SRPK2: variants seen among roughly 807,000 people sequenced by gnomAD.
The protein encoded by SRPK2 is SRSF protein kinase 2, also known as SFRS protein kinase 2.
In SRPK2, 21 loss-of-function variants were observed where a neutral mutation model predicts 90.8. That is an observed-to-expected ratio of 0.23 (90% CI 0.16 to 0.33). The LOEUF (loss-of-function observed/expected upper bound fraction) is 0.33, where lower values mean the gene tolerates loss of function less well. Ranked by LOEUF, SRPK2 falls within the 10% of genes least tolerant of loss-of-function variation. The pLI, the probability that SRPK2 is intolerant of heterozygous loss-of-function variation, is 1.00. For synonymous variants in SRPK2, 288 were observed against 311.1 expected (o/e 0.93, Z 0.78); for missense variants, 620 against 869.0 (o/e 0.71, Z 3.60).
intron 2 of SRPK2, among the ~76,000 whole-genome samples, chr7:105,283,390 A>C (rs188825479): frequency 6.6e-6 from 1 of 152,270 alleles, no homozygotes; most frequent in African/African-American, 2.4e-5. Context: ...GTGGGAACTC[A>C]TATGTCCATC....
chr7:105,132,945 A>G, intron 12 of SRPK2, 47 bp from the exon 13 acceptor site: 4 of 1,612,714 alleles, frequency 2.5e-6, no homozygotes, highest in Non-Finnish European at 2.5e-6. Context: ...CAGACATTCA[A>G]AAAGTGTCTT....
chr7:105,265,022 G>A (rs1804847175), intron 2 of SRPK2, among the ~76,000 whole-genome samples: 3 of 152,122 alleles, frequency 2.0e-5, no homozygotes, highest in Admixed American at 1.3e-4. Context: ...ATGATAGTAC[G>A]GTAAAGTACC....
chr7:105,245,701 T>G (rs559945888), intron 2 of SRPK2, among the ~76,000 whole-genome samples: 1 of 152,026 alleles, frequency 6.6e-6, no homozygotes, highest in Non-Finnish European at 1.5e-5. Flanking sequence ...GGCTTCTGCA[T>G]TTAGAAAACA....
intron 2 of SRPK2, among the ~76,000 whole-genome samples, chr7:105,383,053 ATTTTT>A (rs1161926443): frequency 9.8e-6 from 1 of 101,666 alleles, no homozygotes; most frequent in East Asian, 3.0e-4. Context: ...AAAAGTAAAA[ATTTTT>A]TTTTTTTTTT....
chr7:105,357,230 G>A (rs1282385536), intron 2 of SRPK2, among the ~76,000 whole-genome samples: 3 of 151,902 alleles, frequency 2.0e-5, no homozygotes, highest in Non-Finnish European at 4.4e-5. Flanking sequence ...TAGTAGAGAT[G>A]GGGTTTCACT....
At chr7:105,127,178 C>A (rs767347268) in intron 13 of SRPK2, 116 bp from the exon 14 acceptor site, 1 of 915,770 alleles carries the variant, frequency 1.1e-6, no homozygotes, top group Non-Finnish European at 1.7e-6. Flanking sequence ...AACAAAATAG[C>A]CTCCTGAAAG....
chr7:105,184,469 G>A (rs1168375024), intron 3 of SRPK2, among the ~76,000 whole-genome samples: 3 of 152,092 alleles, frequency 2.0e-5, no homozygotes, highest in Admixed American at 6.6e-5. Context: ...TAGTTAAGAC[G>A]CTTAATAGTA....
chr7:105,348,315 C>A (rs1451852073), intron 2 of SRPK2, among the ~76,000 whole-genome samples: 2 of 151,964 alleles, frequency 1.3e-5, no homozygotes, highest in Non-Finnish European at 2.9e-5. Context: ...AGGTGATCCA[C>A]CCACCTCGAC....
intron 3 of SRPK2, among the ~76,000 whole-genome samples, chr7:105,181,965 A>C (rs1476521869): frequency 1.3e-5 from 2 of 151,440 alleles, no homozygotes; most frequent in African/African-American, 2.4e-5. Context: ...GCGGGGGCTC[A>C]CGCCTGTAAT....
chr7:105,253,041 C>T (rs1375344665), intron 2 of SRPK2, among the ~76,000 whole-genome samples: 2 of 152,172 alleles, frequency 1.3e-5, no homozygotes, highest in Non-Finnish European at 2.9e-5. Flanking sequence ...CCGCGCCCGA[C>T]CCAAGTTAGT....
At chr7:105,356,524 ATACT>A (rs1359834269) in intron 2 of SRPK2, among the ~76,000 whole-genome samples, 2 of 152,214 alleles carry the variant, frequency 1.3e-5, no homozygotes, top group Non-Finnish European at 2.9e-5. Context: ...TACACAATAA[ATACT>A]TAATAAATGT....
intron 2 of SRPK2, among the ~76,000 whole-genome samples, chr7:105,263,414 T>C (rs1804599476): frequency 6.6e-6 from 1 of 151,912 alleles, no homozygotes; most frequent in African/African-American, 2.4e-5. Context: ...ATAGAATGAA[T>C]AAACTGAGGT....
chr7:105,374,280 A>T (rs1248218237), intron 2 of SRPK2, among the ~76,000 whole-genome samples: 1 of 152,174 alleles, frequency 6.6e-6, no homozygotes, highest in African/African-American at 2.4e-5. Context: ...AAGTCAAAAA[A>T]ACCTTTAATT....
intron 2 of SRPK2, among the ~76,000 whole-genome samples, chr7:105,261,243 C>T (rs186367961): frequency 6.6e-6 from 1 of 152,094 alleles, no homozygotes; most frequent in East Asian, 1.9e-4. Context: ...AAAATCTGGC[C>T]GGGTGTGGTG....
chr7:105,125,852 T>C, intron 15 of SRPK2: 1 of 1,301,538 alleles, frequency 7.7e-7, no homozygotes. Context: ...TCCCCAGCAG[T>C]TCAATGATCA....
At chr7:105,387,926 C>A (rs976561678) in intron 2 of SRPK2, among the ~76,000 whole-genome samples, 3 of 152,198 alleles carry the variant, frequency 2.0e-5, no homozygotes, top group Non-Finnish European at 4.4e-5. Context: ...GGCGCGTTTT[C>A]CACTCCGACC....
At chr7:105,390,202 C>T (rs1586035131), upstream of SRPK2, among the ~76,000 whole-genome samples, 4 of 152,206 alleles carry the variant, frequency 2.6e-5, no homozygotes, top group Admixed American at 2.6e-4. Context: ...ATCAGAATTC[C>T]ATGATCACTC....
intron 3 of SRPK2, among the ~76,000 whole-genome samples, chr7:105,177,177 C>T (rs1267673904): frequency 6.6e-6 from 1 of 151,892 alleles, no homozygotes; most frequent in Non-Finnish European, 1.5e-5. Flanking sequence ...AAAATAAAAA[C>T]ATGATATGCA....
At chr7:105,129,698 T>G (rs1801731018) in intron 13 of SRPK2, among the ~76,000 whole-genome samples, 1 of 152,168 alleles carries the variant, frequency 6.6e-6, no homozygotes, top group African/African-American at 2.4e-5. Flanking sequence ...TATTATTATT[T>G]TTAATACCTG....
Sources: gnomAD v4.1 joint callset for allele counts (sites outside exome capture counted in the v4.1 genomes callset) on GRCh38, gnomAD v4.1.1 for gene constraint, MANE v1.5 for transcripts, NCBI Gene and HGNC (gene_info 2026-07-23, HGNC 2026-07-21) for gene names.